GALNT18: variants seen among roughly 807,000 people sequenced by gnomAD.
GALNT18 encodes GalNAc-transferase 18.
A neutral mutation model predicts 69.5 loss-of-function variants in GALNT18; 44 were observed. The observed-to-expected ratio is 0.63, with a 90% CI of 0.50 to 0.81. The LOEUF (loss-of-function observed/expected upper bound fraction) is 0.81. Among genes scored for constraint, GALNT18 ranks in the 40% least tolerant of loss-of-function variants. The pLI is 0.00. For synonymous variants in GALNT18, 364 were observed against 318.2 expected, an observed-to-expected ratio of 1.14 and a Z score of -1.53; for missense variants, 715 against 810.0, an observed-to-expected ratio of 0.88 and a Z score of 1.42.
chr11:11,288,355 TC>T (rs1168821659), intron 10 of GALNT18, among the ~76,000 whole-genome samples: 1 of 152,180 alleles, frequency 6.6e-6, no homozygotes, highest in Non-Finnish European at 1.5e-5. Flanking sequence ...CTTGGGATGT[TC>T]TATGCTTGGA....
At chr11:11,499,397 C>T (rs1370078837) in intron 1 of GALNT18, among the ~76,000 whole-genome samples, 1 of 152,196 alleles carries the variant, frequency 6.6e-6, no homozygotes, top group Non-Finnish European at 1.5e-5. Context: ...CTGGCCTTCC[C>T]CACTGCCCTC....
intron 8 of GALNT18, among the ~76,000 whole-genome samples, chr11:11,327,704 AG>A (rs1469720105): frequency 6.6e-6 from 1 of 152,178 alleles, no homozygotes; most frequent in Non-Finnish European, 1.5e-5. Flanking sequence ...ATAAGAGAGG[AG>A]GGGGCCAGGG....
At chr11:11,502,632 T>C (rs2133901113) in intron 1 of GALNT18, among the ~76,000 whole-genome samples, 1 of 152,334 alleles carries the variant, frequency 6.6e-6, no homozygotes, top group East Asian at 1.9e-4. Context: ...AGGTTAATCA[T>C]TTGTTTGATT....
chr11:11,279,896 C>T (rs1335301070), intron 10 of GALNT18, among the ~76,000 whole-genome samples: 2 of 151,702 alleles, frequency 1.3e-5, no homozygotes, highest in Admixed American at 6.6e-5. Flanking sequence ...CCATGTTCTT[C>T]AATTGAAAAA....
At chr11:11,343,375 T>A (rs1403097653) in intron 6 of GALNT18, among the ~76,000 whole-genome samples, 1 of 151,340 alleles carries the variant, frequency 6.6e-6, no homozygotes, top group Non-Finnish European at 1.5e-5. Flanking sequence ...TAAAAAATAA[T>A]AATAAAAAAA....
In GALNT18 at chr11:11,564,188, G is replaced by A. The variant is rs1015303237; in HGVS notation, c.235+57171C>T. Among the ~76,000 whole-genome samples, 2 of 152,174 alleles carry A rather than the reference G, an allele frequency of 1.3e-5. No homozygotes were observed. The highest frequency in any genetic ancestry group is 2.9e-5 in the Non-Finnish European group (2 of 68,020). On this transcript the variant is annotated intron_variant, in intron 1 of 10. Transcript: ENST00000227756. This position sits in a 1 kb window ranked among gnomAD's most constrained non-coding sequence, Gnocchi z 4.3. ...GGCCAGAGAGTTTATAAGCTTCCAC[G>A]CTAGAACGTGTGACTGCAAGTCCCG...
intron 1 of GALNT18, among the ~76,000 whole-genome samples, chr11:11,472,953 T>C (rs572769402): frequency 1.4e-3 from 218 of 152,094 alleles, no homozygotes; most frequent in African/African-American, 5.1e-3. Context: ...GATCAAGCCA[T>C]GGCACTCCAG....
intron 5 of GALNT18, among the ~76,000 whole-genome samples, chr11:11,373,171 C>A (rs557362174): frequency 1.4e-5 from 2 of 138,670 alleles, no homozygotes; most frequent in South Asian, 5.0e-4. Flanking sequence ...GTCAGCAGAT[C>A]TGTGTTTTTT....
In GALNT18 at chr11:11,546,201, G is replaced by A. The variant is rs1221208811; in HGVS notation, c.235+75158C>T. Among the ~76,000 whole-genome samples the A allele has an allele frequency of 6.6e-6, 1 of 152,168 alleles. No individual in the cohort carries two copies. The highest frequency in any genetic ancestry group is 2.4e-5 in the African/African-American group (1 of 41,438). On this transcript the variant is annotated intron_variant, in intron 1 of 10. Transcript: ENST00000227756. The surrounding 1 kb of genome is among the most constrained non-coding windows in gnomAD (Gnocchi z 5.8). The stretch of plus-strand genomic sequence containing the variant: ...TGAGCTACCCTTGAGCCACATCATA[G>A]TTGGAAGATAGGGTACACAGGGAGG...
At chr11:11,536,603 C>T (rs1192468078) in intron 1 of GALNT18, among the ~76,000 whole-genome samples, 1 of 152,008 alleles carries the variant, frequency 6.6e-6, no homozygotes, top group Non-Finnish European at 1.5e-5. Flanking sequence ...GTCGATGAAA[C>T]CCGCCAAGAC....
intron 1 of GALNT18, among the ~76,000 whole-genome samples, chr11:11,489,948 T>C (rs975986753): frequency 1.3e-5 from 2 of 152,162 alleles, no homozygotes; most frequent in African/African-American, 2.4e-5. Context: ...CACTACTCTA[T>C]ACTGCCTCAC....
At chr11:11,565,882 C>T (rs577577082) in intron 1 of GALNT18, among the ~76,000 whole-genome samples, 6 of 152,168 alleles carry the variant, frequency 3.9e-5, no homozygotes, top group Non-Finnish European at 7.3e-5. Context: ...GGTGCTTGCA[C>T]TAAATCTTTA....
At position 11,584,528 on chromosome 11, in the gene GALNT18, T is replaced by C. The variant is rs903535316; in HGVS notation, c.235+36831A>G. 4.6e-5 allele frequency among the ~76,000 whole-genome samples: 7 copies of C among 152,058 alleles called. No homozygotes were observed. Among genetic ancestry groups the C allele is most frequent in the African/African-American group, 1.7e-4 (7 of 41,396 alleles). On this transcript the variant is annotated intron_variant, in intron 1 of 10. Coordinates refer to ENST00000227756, the MANE Select transcript of GALNT18 (RefSeq NM_198516.3). The surrounding 1 kb of genome is among the most constrained non-coding windows in gnomAD (Gnocchi z 4.1). ...GCTCAGAGAAGCACGTCTGAACACG[T>C]AAGGACCGAGAGGCGAGTCTTCAGT...
At chr11:11,295,301 T>C (rs1849378726) in intron 9 of GALNT18, among the ~76,000 whole-genome samples, 1 of 151,990 alleles carries the variant, frequency 6.6e-6, no homozygotes, top group South Asian at 2.1e-4. Context: ...CCGAGGAGTA[T>C]GTAATAAAGG....
intron 1 of GALNT18, 144 bp from the exon 2 acceptor site, chr11:11,449,080 T>C (rs749174111): frequency 4.9e-5 from 32 of 653,838 alleles, no homozygotes; most frequent in Non-Finnish European, 7.5e-5. Context: ...TGGGTTTTCA[T>C]GCTTCCCAAA....
intron 9 of GALNT18, among the ~76,000 whole-genome samples, chr11:11,296,832 G>C (rs1005239915): frequency 6.6e-6 from 1 of 152,190 alleles, no homozygotes; most frequent in South Asian, 2.1e-4. Flanking sequence ...ATCACAGAGG[G>C]AGGTTCGGCA....
chr11:11,272,149 C>G (rs1848840855), intron 10 of GALNT18, among the ~76,000 whole-genome samples: 1 of 152,152 alleles, frequency 6.6e-6, no homozygotes, highest in Non-Finnish European at 1.5e-5. Context: ...AGTATATGGT[C>G]AAACTCACTT....
intron 1 of GALNT18, among the ~76,000 whole-genome samples, chr11:11,566,897 G>A (rs774977438): frequency 2.0e-5 from 3 of 152,228 alleles, no homozygotes; most frequent in South Asian, 2.1e-4. Context: ...TTTTGATTAC[G>A]TGTTCCACCT....
intron 1 of GALNT18, among the ~76,000 whole-genome samples, chr11:11,548,424 C>G (rs1300282301): frequency 1.3e-5 from 2 of 152,182 alleles, no homozygotes; most frequent in African/African-American, 4.8e-5. Context: ...AGCACTAAGA[C>G]AAAACTGCTC....
Sources: allele counts gnomAD v4.1 joint callset (sites outside exome capture counted in the v4.1 genomes callset), GRCh38; gene constraint gnomAD v4.1.1; non-coding constraint Gnocchi (gnomAD v3.1); transcripts MANE v1.5; gene names NCBI Gene and HGNC (gene_info 2026-07-23, HGNC 2026-07-21).